Variants in ZNF124 observed in about 807,000 individuals in gnomAD.
ZNF124 encodes the protein zinc finger protein HZF-16.
In ZNF124, 25 loss-of-function variants were observed where a neutral mutation model predicts 26.6. The observed-to-expected ratio is 0.94, with a 90% CI of 0.68 to 1.31. The LOEUF is 1.31. Among genes scored for constraint, ZNF124 ranks in the 40% most tolerant of loss-of-function variants. The probability of loss-of-function intolerance (pLI) is 0.00; values close to 1 mark genes in which losing one functional copy is unlikely to be tolerated. For missense variants in ZNF124, 444 were observed against 422.2 expected, an observed-to-expected ratio of 1.05 and a Z score of -0.45; for synonymous variants, 129 against 133.3, an observed-to-expected ratio of 0.97 and a Z score of 0.22.
At chr1:247,166,042 G>A (rs1351028692) in intron 1 of ZNF124, among the ~76,000 whole-genome samples, 2 of 152,176 alleles carry the variant, frequency 1.3e-5, no homozygotes, top group African/African-American at 4.8e-5. Context: ...AGCCGGGCCT[G>A]TTAGCACATG....
At chr1:247,147,343 C>T (rs1672811737) in intron 3 of ZNF124, among the ~76,000 whole-genome samples, 2 of 151,672 alleles carry the variant, frequency 1.3e-5, no homozygotes, top group South Asian at 4.2e-4. Context: ...TCTCCTGCCT[C>T]AGCCTCCAGA....
In ZNF124 at chr1:247,144,768, TTTTC is replaced by T. The variant is rs556965826; in HGVS notation, c.218+14234_218+14237del. Among the ~76,000 whole-genome samples the T allele has an allele frequency of 6.0e-4, 88 of 146,078 alleles. 1 individual carries two copies. Among genetic ancestry groups the T allele is most frequent in the South Asian group, 2.7e-3 (12 of 4,422 alleles). ...GCATTTAGCGGAAAGGAAGATTATC[TTTTC>T]TTTCTTTCTTTTTTTTTTTTTGAGA... On this transcript the variant is annotated intron_variant, in intron 3 of 3. Transcript: ENST00000472531.
downstream of ZNF124, among the ~76,000 whole-genome samples, chr1:247,151,010 GAAGAAA>G (rs999471055): frequency 1.3e-4 from 19 of 151,980 alleles, no homozygotes; most frequent in African/African-American, 4.1e-4. Flanking sequence ...CATAAATCAA[GAAGAAA>G]AAGAGCCCTA....
intron 1 of ZNF124, 93 bp from the exon 2 acceptor site, chr1:247,159,906 C>G: frequency 1.4e-6 from 2 of 1,442,880 alleles, no homozygotes; most frequent in Non-Finnish European, 1.8e-6. Flanking sequence ...GATTCTGTGG[C>G]GAACATTTAT....
At chr1:247,137,725 A>C (rs1010872203) in intron 3 of ZNF124, among the ~76,000 whole-genome samples, 5 of 152,152 alleles carry the variant, frequency 3.3e-5, no homozygotes, top group African/African-American at 9.7e-5. Flanking sequence ...CAAAGGTCTA[A>C]TATCCAGAAT....
At chr1:247,143,099 C>T (rs1438302403) in intron 3 of ZNF124, among the ~76,000 whole-genome samples, 2 of 152,072 alleles carry the variant, frequency 1.3e-5, no homozygotes, top group African/African-American at 4.8e-5. Flanking sequence ...TATTTCATCT[C>T]CATCCTGACC....
At chr1:247,143,440 T>C (rs532390108) in intron 3 of ZNF124, among the ~76,000 whole-genome samples, 1 of 151,990 alleles carries the variant, frequency 6.6e-6, no homozygotes, top group Non-Finnish European at 1.5e-5. Context: ...CGGATGAACA[T>C]GTGTCCTGGT....
At chr1:247,141,149 A>C (rs1038483441) in intron 3 of ZNF124, among the ~76,000 whole-genome samples, 3 of 151,790 alleles carry the variant, frequency 2.0e-5, no homozygotes, top group Non-Finnish European at 4.4e-5. Context: ...AGGGTTTCCT[A>C]TCTGGTGACA....
At chr1:247,125,931 AAAGT>A (rs1478493421) in intron 3 of ZNF124, among the ~76,000 whole-genome samples, 3 of 152,186 alleles carry the variant, frequency 2.0e-5, no homozygotes, top group South Asian at 2.1e-4. Context: ...CTGGGGAAAA[AAAGT>A]AAATATTGTA....
intron 3 of ZNF124, among the ~76,000 whole-genome samples, chr1:247,124,489 C>G (rs2103096235): frequency 6.6e-6 from 1 of 152,300 alleles, no homozygotes; most frequent in East Asian, 1.9e-4. Flanking sequence ...GCGTGAGCCA[C>G]CACGCCCGGC....
intron 3 of ZNF124, among the ~76,000 whole-genome samples, chr1:247,149,087 G>A (rs1672860283): frequency 6.6e-6 from 1 of 152,136 alleles, no homozygotes; most frequent in African/African-American, 2.4e-5. Flanking sequence ...TATTTATTTG[G>A]CCTTTGACCT....
Position 247,157,118 on chromosome 1 carries a change from A to C in ZNF124, c.504T>G (p.His168Gln). The C allele has an allele frequency of 6.2e-7, 1 of 1,614,082 alleles. No individual in the cohort carries two copies. Among genetic ancestry groups the C allele is most frequent in the Non-Finnish European group, 8.5e-7 (1 of 1,180,010 alleles). Residue 168 changes from histidine to glutamine, a missense_variant, in exon 4 of 4, where the codon CAT (histidine) becomes CAG (glutamine). His to Gln is a conservative substitution (Grantham distance 24). Transcript: ENST00000543802. ...ALGFSRSLNR[H>Q]KRIHTGEKRY... Reference sequence around the variant, plus strand: ...GTTTTTCTCCAGTGTGAATCCTTTTATGTCTATTAAGAGAACGGGAAAAAC... The same window carrying C: ...GTTTTTCTCCAGTGTGAATCCTTTTCTGTCTATTAAGAGAACGGGAAAAAC...
chr1:247,157,599 T>C (rs1025581937), intron 3 of ZNF124, 196 bp from the exon 4 acceptor site: 2 of 616,212 alleles, frequency 3.2e-6, no homozygotes, highest in Admixed American at 5.9e-5. Flanking sequence ...TAATGGTTTA[T>C]TAGTTATTTT....
intron 3 of ZNF124, among the ~76,000 whole-genome samples, chr1:247,145,518 A>G (rs576854726): frequency 1.1e-3 from 171 of 152,326 alleles, no homozygotes; most frequent in African/African-American, 3.8e-3. Context: ...CCTTTCACCA[A>G]GAACCACAAG....
rs115661126 is a variant in ZNF124 at position 247,160,274 on chromosome 1, G to A, written c.31-461C>T. ...GCTGGGATAACAGGCGTGAGCCACC[G>A]CGCTCAGCCAGCAGTTCTTATGCTA... is the stretch of plus-strand genomic sequence containing the variant. On this transcript the variant is annotated intron_variant, in intron 1 of 3. Transcript: ENST00000543802. 2.8e-3 allele frequency among the ~76,000 whole-genome samples: 434 copies of A among 152,284 alleles called. 5 individuals carry two copies. The highest frequency in any genetic ancestry group is 9.8e-3 in the African/African-American group (406 of 41,554).
chr1:247,134,867 C>T (rs1434932963), intron 3 of ZNF124, among the ~76,000 whole-genome samples: 1 of 152,178 alleles, frequency 6.6e-6, no homozygotes. Context: ...CACTTCTTAG[C>T]AAATGCAAAT....
chr1:247,158,627 C>T (rs1472127691), intron 3 of ZNF124, among the ~76,000 whole-genome samples: 3 of 151,388 alleles, frequency 2.0e-5, no homozygotes, highest in Admixed American at 6.6e-5. Context: ...ATTTTGTTTG[C>T]TTGGTTTTTT....
intron 3 of ZNF124, among the ~76,000 whole-genome samples, chr1:247,140,419 G>A (rs987134507): frequency 1.2e-4 from 19 of 152,106 alleles, no homozygotes; most frequent in African/African-American, 4.1e-4. Context: ...GCATTTTCCT[G>A]AATCTTGATG....
intron 1 of ZNF124, among the ~76,000 whole-genome samples, chr1:247,162,634 A>AG (rs1311555521): frequency 4.9e-5 from 7 of 142,112 alleles, no homozygotes; most frequent in African/African-American, 1.8e-4. Context: ...AAAAAAAAAA[A>AG]GCAGGGATTA....
Sources: gnomAD v4.1 joint callset for allele counts (sites outside exome capture counted in the v4.1 genomes callset) on GRCh38, gnomAD v4.1.1 for gene constraint, MANE v1.5 for transcripts, NCBI Gene and HGNC (gene_info 2026-07-23, HGNC 2026-07-21) for gene names.